DCLK2: variants seen among roughly 807,000 people sequenced by gnomAD.
The protein encoded by DCLK2 is doublecortin like kinase 2, also known as serine/threonine-protein kinase DCLK2.
A neutral mutation model predicts 78.4 loss-of-function variants in DCLK2; 31 were observed. That is an observed-to-expected ratio of 0.40 (90% CI 0.30 to 0.53). The LOEUF (loss-of-function observed/expected upper bound fraction) is 0.53, where lower values mean the gene tolerates loss of function less well. DCLK2 is among the 20% of genes least tolerant of loss of function. The pLI, the probability that DCLK2 is intolerant of heterozygous loss-of-function variation, is 0.61. For synonymous variants in DCLK2, 407 were observed against 374.9 expected (o/e 1.09, Z -0.99); for missense variants, 872 against 973.7 (o/e 0.90, Z 1.39).
At chr4:150,185,985 C>A (rs888269447) in intron 2 of DCLK2, among the ~76,000 whole-genome samples, 1 of 152,114 alleles carries the variant, frequency 6.6e-6, no homozygotes, top group Non-Finnish European at 1.5e-5. Flanking sequence ...TGGATGTTTC[C>A]CCATTAGATC....
intron 1 of DCLK2, among the ~76,000 whole-genome samples, chr4:150,088,146 A>G (rs1244740978): frequency 6.6e-6 from 1 of 152,164 alleles, no homozygotes; most frequent in Non-Finnish European, 1.5e-5. Context: ...TCTTTACTTA[A>G]TAGTATTTTG....
intron 2 of DCLK2, among the ~76,000 whole-genome samples, chr4:150,185,446 C>A (rs1737857544): frequency 6.6e-6 from 1 of 151,932 alleles, no homozygotes; most frequent in Non-Finnish European, 1.5e-5. Flanking sequence ...CAGACCTCGC[C>A]TGGCATGGTG....
In DCLK2 at chr4:150,203,850, T is replaced by A. The variant is rs1486615231; in HGVS notation, c.1017T>A (p.Ser339Arg). Residue 339 changes from serine to arginine, a missense_variant, in exon 5 of 16, where the codon AGT becomes AGA. Ser to Arg is a moderately radical substitution (Grantham distance 110). Coordinates refer to ENST00000296550, the MANE Select transcript of DCLK2 (RefSeq NM_001040260.4). The stretch of plus-strand genomic sequence containing the variant: ...CTCCTAAATCTACGAAATCCTCCAG[T>A]TCCTCTCCAACTAGTCCAGGAAGTT... Reference protein sequence around the residue: ...LSTPKSTKSSSSSPTSPGSFR... With the variant: ...LSTPKSTKSSRSSPTSPGSFR... 6.2e-7 allele frequency: 1 copy of A among 1,614,006 alleles called. No individual in the cohort carries two copies.
chr4:150,093,608 T>C (rs1730251180), intron 1 of DCLK2, among the ~76,000 whole-genome samples: 1 of 152,178 alleles, frequency 6.6e-6, no homozygotes, highest in Non-Finnish European at 1.5e-5. Flanking sequence ...TCTCGAAATC[T>C]TGGCCACAAG....
chr4:150,175,121 T>TA lies in DCLK2; in HGVS notation c.757-18017_757-18016insA, dbSNP rs1553964268. Among the ~76,000 whole-genome samples the TA allele has an allele frequency of 8.4e-4, 68 of 80,978 alleles. 5 individuals are homozygous for TA. The highest frequency in any genetic ancestry group is 3.0e-3 in the African/African-American group (45 of 14,772). The allele number at this position is 80,978 out of a possible 152,430, so 53.1% of individuals were successfully genotyped here. On this transcript the variant is annotated intron_variant, in intron 2 of 15. Transcript: ENST00000296550. The stretch of plus-strand genomic sequence containing the variant: ...ATATATATTTATATATTTATATTTT[T>TA]TATATATATATAATTTATGTATATT...
intron 2 of DCLK2, among the ~76,000 whole-genome samples, chr4:150,107,395 T>G (rs948983342): frequency 2.7e-5 from 4 of 150,092 alleles, no homozygotes; most frequent in Non-Finnish European, 5.9e-5. Context: ...TTTTTTTTTT[T>G]GGAGACAGAA....
chr4:150,109,471 A>G (rs190429172), intron 2 of DCLK2, among the ~76,000 whole-genome samples: 26 of 152,042 alleles, frequency 1.7e-4, no homozygotes, highest in Non-Finnish European at 3.8e-4. Flanking sequence ...AGTAGCTGAG[A>G]TTACAGGCAC....
intron 2 of DCLK2, among the ~76,000 whole-genome samples, chr4:150,157,167 G>GT (rs34730849): frequency 0.06 from 8,177 of 137,148 alleles, 293 homozygotes; most frequent in East Asian, 0.13. Context: ...TTTCTCACCT[G>GT]TTTTTTTTTT....
Position 150,078,959 on chromosome 4 carries a change from C to T in DCLK2, c.-69C>T, listed in dbSNP as rs879474068. ...TTAAGGGCCCTCGCAGTCAGACGTCCCTGCACCGGCGCTCGCACCCTTAGT... is the reference window on the plus strand; with the variant it reads ...TTAAGGGCCCTCGCAGTCAGACGTCTCTGCACCGGCGCTCGCACCCTTAGT... On this transcript the variant is annotated 5_prime_UTR_variant, in exon 1 of 16. Transcript: ENST00000296550. 22 of 1,461,310 alleles carry T rather than the reference C, an allele frequency of 1.5e-5. No individual in the cohort carries two copies. The highest frequency in any genetic ancestry group is 2.0e-5 in the Non-Finnish European group (22 of 1,106,018). The allele number at this position is 1,461,310 out of a possible 1,614,324, so 90.5% of individuals were successfully genotyped here. A position where few individuals can be genotyped will look rare whatever the true frequency, so the allele number is the denominator to read the frequency against.
chr4:150,256,488 C>T lies in DCLK2; in HGVS notation c.*241C>T, dbSNP rs946631092. ...TGCATCCGTTCTGCCAACAGCTGTT[C>T]GGAGAGACTCGTTCCAGATCATCCC... On this transcript the variant is annotated 3_prime_UTR_variant, in exon 16 of 16. Coordinates refer to ENST00000296550, the MANE Select transcript of DCLK2 (RefSeq NM_001040260.4). 10 of 487,482 alleles carry T rather than the reference C, an allele frequency of 2.1e-5. No individual in the cohort carries two copies. Among genetic ancestry groups the T allele is most frequent in the African/African-American group, 6.1e-5 (3 of 49,154 alleles). 30.2% of individuals were successfully genotyped at this position (487,482 alleles called of 1,614,324 possible).
intron 4 of DCLK2, chr4:150,198,891 C>G: frequency 1.7e-6 from 1 of 584,932 alleles, no homozygotes; most frequent in African/African-American, 1.9e-5. Flanking sequence ...TTCCACTATT[C>G]GCCCTTTCCC....
chr4:150,191,890 C>G (rs1738480763), intron 2 of DCLK2, among the ~76,000 whole-genome samples: 1 of 152,114 alleles, frequency 6.6e-6, no homozygotes, highest in Non-Finnish European at 1.5e-5. Context: ...CAATGAAAAG[C>G]TAAATAGTGA....
chr4:150,134,054 A>G (rs1396746826), intron 2 of DCLK2, among the ~76,000 whole-genome samples: 3 of 146,310 alleles, frequency 2.1e-5, no homozygotes, highest in African/African-American at 7.6e-5. Context: ...TCTCTCCTGC[A>G]TGTCATTTTT....
chr4:150,120,570 A>G (rs565177210), intron 2 of DCLK2, among the ~76,000 whole-genome samples: 2 of 152,338 alleles, frequency 1.3e-5, no homozygotes, highest in South Asian at 4.1e-4. Flanking sequence ...GCATACTTCA[A>G]AGATATGGCA....
Position 150,079,031 on chromosome 4 carries a change from G to T in DCLK2, c.4G>T (p.Ala2Ser), listed in dbSNP as rs1282524197. 1 of 1,530,966 alleles carries T rather than the reference G, an allele frequency of 6.5e-7. No homozygotes were observed. The highest frequency in any genetic ancestry group is 2.3e-5 in the East Asian group (1 of 43,862). The allele number at this position is 1,530,966 out of a possible 1,614,324, so 94.8% of individuals were successfully genotyped here. Residue 2 changes from alanine to serine, a missense_variant, in exon 1 of 16, where the codon GCC becomes TCC. Transcript: ENST00000296550. M[A>S]STRSIELEHF... ...GGACGCCCTCGGAGCAGCCGCGATG[G>T]CCAGCACCAGGAGTATCGAGCTGGA...
chr4:150,125,476 G>C (rs965549811), intron 2 of DCLK2, among the ~76,000 whole-genome samples: 1 of 152,160 alleles, frequency 6.6e-6, no homozygotes, highest in African/African-American at 2.4e-5. Flanking sequence ...TGATATAGAA[G>C]TAAAACATTT....
At chr4:150,239,494 G>A (rs1205665315) in intron 10 of DCLK2, among the ~76,000 whole-genome samples, 1 of 152,036 alleles carries the variant, frequency 6.6e-6, no homozygotes, top group Non-Finnish European at 1.5e-5. Context: ...GCTACTTGTT[G>A]GGGGTTCCGT....
intron 2 of DCLK2, among the ~76,000 whole-genome samples, chr4:150,178,211 A>G (rs78959805): frequency 0.015 from 2,334 of 152,356 alleles, 21 homozygotes; most frequent in Non-Finnish European, 0.024. Context: ...TGATAAGCCA[A>G]TTAATCTAAA....
chr4:150,106,860 C>T (rs1257249353), intron 2 of DCLK2, among the ~76,000 whole-genome samples: 1 of 152,138 alleles, frequency 6.6e-6, no homozygotes, highest in African/African-American at 2.4e-5. Context: ...GGTCTGACTT[C>T]GTTATTAAAA....
Sources: gnomAD v4.1 joint callset for allele counts (sites outside exome capture counted in the v4.1 genomes callset) on GRCh38, gnomAD v4.1.1 for gene constraint, MANE v1.5 for transcripts, NCBI Gene and HGNC (gene_info 2026-07-23, HGNC 2026-07-21) for gene names.